The following KDM4A variants were observed in gnomAD, a reference collection of about 807,000 sequenced individuals.
The protein encoded by KDM4A is lysine-specific demethylase 4A.
In KDM4A, 23 loss-of-function variants were observed where a neutral mutation model predicts 127.1. The observed-to-expected ratio is 0.18, with a 90% CI of 0.13 to 0.26. The LOEUF is 0.26. KDM4A is among the 10% of genes least tolerant of loss of function. KDM4A has a pLI of 1.00. For missense variants in KDM4A, 890 were observed against 1,329.1 expected, an observed-to-expected ratio of 0.67 and a Z score of 5.14; for synonymous variants, 443 against 466.5, an observed-to-expected ratio of 0.95 and a Z score of 0.65.
chr1:43,666,351 C>T, intron 6 of KDM4A, 101 bp from the exon 7 acceptor site: 1 of 906,102 alleles, frequency 1.1e-6, no homozygotes, highest in Non-Finnish European at 1.8e-6. Context: ...GGTGATGCAT[C>T]CTCTTTATCA....
intron 11 of KDM4A, among the ~76,000 whole-genome samples, chr1:43,675,086 T>C (rs1660711162): frequency 6.6e-6 from 1 of 152,256 alleles, no homozygotes; most frequent in Non-Finnish European, 1.5e-5. Context: ...TGGTTCCTTT[T>C]TATTTCGGTA....
At chr1:43,677,770 TATGG>T (rs1252785995) in intron 11 of KDM4A, among the ~76,000 whole-genome samples, 1 of 152,218 alleles carries the variant, frequency 6.6e-6, no homozygotes, top group Non-Finnish European at 1.5e-5. Flanking sequence ...AAGGTGGAAT[TATGG>T]ATGATTTCAC....
Position 43,694,479 on chromosome 1 carries a change from G to C in KDM4A, c.2485-230G>C, listed in dbSNP as rs113615006. ...TGCAGTGAGCCGATATTGTGTCACT[G>C]CACTCCAGCCTGGGTGACAGAGCAA... On this transcript the variant is annotated intron_variant, in intron 17 of 21. Coordinates refer to ENST00000372396, the MANE Select transcript of KDM4A (RefSeq NM_014663.3). The surrounding 1 kb of genome is among the most constrained non-coding windows in gnomAD (Gnocchi z 5.2). Among the ~76,000 whole-genome samples the C allele has an allele frequency of 4.0e-5, 6 of 149,364 alleles. No homozygotes were observed. Among genetic ancestry groups the C allele is most frequent in the African/African-American group, 1.5e-4 (6 of 40,270 alleles).
intron 2 of KDM4A, among the ~76,000 whole-genome samples, chr1:43,654,723 GTGTGTGTGTGTGTGTGT>G (rs1182715385): frequency 5.2e-4 from 70 of 134,490 alleles, no homozygotes; most frequent in Middle Eastern, 4.3e-3. Flanking sequence ...GTGTGTGTGT[GTGTGTGTGTGTGTGTGT>G]TGTTTTCTCC....
chr1:43,652,319 A>G (rs1473399932), intron 1 of KDM4A, among the ~76,000 whole-genome samples: 1 of 152,190 alleles, frequency 6.6e-6, no homozygotes, highest in Non-Finnish European at 1.5e-5. Flanking sequence ...AGGACCAACA[A>G]CTAAATAATT....
chr1:43,684,427 C>T (rs1200336310), intron 12 of KDM4A, among the ~76,000 whole-genome samples: 3 of 152,138 alleles, frequency 2.0e-5, no homozygotes, highest in Non-Finnish European at 2.9e-5. Context: ...TGCTCGAACC[C>T]AGGAGGCAGA....
intron 13 of KDM4A, among the ~76,000 whole-genome samples, chr1:43,690,343 A>G (rs1661079506): frequency 6.6e-6 from 1 of 150,974 alleles, no homozygotes; most frequent in Non-Finnish European, 1.5e-5. Flanking sequence ...TTTTTTTTAG[A>G]CGGAGTCTCA....
Position 43,664,830 on chromosome 1 carries a change from A to G in KDM4A, c.624-866A>G, listed in dbSNP as rs534084814. Among the ~76,000 whole-genome samples, 3 of 152,272 alleles carry G rather than the reference A, an allele frequency of 2.0e-5. No homozygotes were observed. In the East Asian group the frequency reaches 5.8e-4, roughly 29 times the overall value. ...AGAAGGTTTTCCAGTTATTATATAC[A>G]TTCTTAGGTCCTCTGAAGTGGGACC... On this transcript the variant is annotated intron_variant, in intron 5 of 21. Transcript: ENST00000372396.
intron 19 of KDM4A, among the ~76,000 whole-genome samples, chr1:43,700,277 G>A (rs1381106258): frequency 6.6e-6 from 1 of 151,398 alleles, no homozygotes; most frequent in Non-Finnish European, 1.5e-5. Flanking sequence ...ACAGGCCCTT[G>A]TCACTGGCGC....
At chr1:43,666,862 T>C (rs1343078629) in intron 7 of KDM4A, 92 bp from the exon 8 acceptor site, 1 of 1,319,202 alleles carries the variant, frequency 7.6e-7, no homozygotes, top group East Asian at 2.3e-5. Context: ...ACTTACCCTT[T>C]GTTACTCAGC....
At chr1:43,673,001 T>C (rs1396217339) in intron 11 of KDM4A, among the ~76,000 whole-genome samples, 1 of 152,214 alleles carries the variant, frequency 6.6e-6, no homozygotes, top group Admixed American at 6.5e-5. Context: ...AGCATCCTTT[T>C]GGAGACCAAG....
intron 19 of KDM4A, among the ~76,000 whole-genome samples, chr1:43,700,962 C>T (rs536427280): frequency 5.4e-5 from 8 of 148,918 alleles, no homozygotes; most frequent in East Asian, 3.9e-4. Flanking sequence ...CTCGCTCTGT[C>T]GCCAGGCTGG....
intron 20 of KDM4A, 24 bp from the exon 21 acceptor site, chr1:43,703,996 A>C: frequency 3.8e-6 from 6 of 1,586,664 alleles, no homozygotes; most frequent in Middle Eastern, 3.3e-4. Flanking sequence ...TATCCTAGCC[A>C]AAAGGCCTTT....
At position 43,671,644 on chromosome 1, in the gene KDM4A, C is replaced by G. The variant is rs145410085; in HGVS notation, c.1503C>G (p.Phe501Leu). ...CGTCTGTAGGGGGACGCCTTGTCTT[C>G]TCAGGCTCCAAAAAGAAATCATCTT... ...NPASVGGRLV[F>L]SGSKKKSSSS... Residue 501 changes from phenylalanine (F) to leucine (L), a missense_variant, in exon 11 of 22, where the codon TTC (phenylalanine) becomes TTG (leucine). Physicochemically the swap from Phe to Leu is conservative, Grantham distance 22. This residue lies in a region of KDM4A where 389 missense variants were observed against 485.9 expected (regional missense o/e 0.80). Coordinates refer to ENST00000372396, the MANE Select transcript of KDM4A (RefSeq NM_014663.3). The G allele has an allele frequency of 6.3e-4, 1,018 of 1,613,518 alleles. 1 individual carries two copies. The highest frequency in any genetic ancestry group is 8.3e-4 in the Non-Finnish European group (981 of 1,179,728).
chr1:43,667,639 C>T, intron 8 of KDM4A, 133 bp from the exon 9 acceptor site: 1 of 1,186,038 alleles, frequency 8.4e-7, no homozygotes, highest in Non-Finnish European at 1.2e-6. Context: ...ATGCCCTCAG[C>T]CTGTGAACCA....
chr1:43,663,764 C>T (rs1175476197), intron 5 of KDM4A, among the ~76,000 whole-genome samples: 1 of 152,128 alleles, frequency 6.6e-6, no homozygotes, highest in Non-Finnish European at 1.5e-5. Context: ...GCTGGGTTTA[C>T]AGGCGTGCAC....
intron 11 of KDM4A, among the ~76,000 whole-genome samples, chr1:43,683,020 T>TTA (rs1210661532): frequency 6.6e-6 from 1 of 152,226 alleles, no homozygotes; most frequent in Non-Finnish European, 1.5e-5. Context: ...TGCTCTGACA[T>TTA]TATGTAAATG....
chr1:43,701,528 C>T (rs562596591), intron 19 of KDM4A, among the ~76,000 whole-genome samples: 4 of 152,218 alleles, frequency 2.6e-5, no homozygotes, highest in South Asian at 4.1e-4. Flanking sequence ...TGCTCTGTTG[C>T]GCAGCACCAC....
chr1:43,666,419 A>T (rs1159360190), intron 6 of KDM4A, 33 bp from the exon 7 acceptor site: 2 of 1,552,908 alleles, frequency 1.3e-6, no homozygotes, highest in South Asian at 2.2e-5. Context: ...AGTGTGGAGC[A>T]CTGTGTTAAC....
Sources: allele counts gnomAD v4.1 joint callset (sites outside exome capture counted in the v4.1 genomes callset), GRCh38; gene constraint gnomAD v4.1.1; regional missense constraint gnomAD v4.1.1; non-coding constraint Gnocchi (gnomAD v3.1); transcripts MANE v1.5; gene names NCBI Gene and HGNC (gene_info 2026-07-23, HGNC 2026-07-21).